The following CBL variants were observed in gnomAD, a reference collection of about 807,000 sequenced individuals.
CBL encodes the protein Cbl proto-oncogene, also known as E3 ubiquitin-protein ligase CBL.
In CBL, 45 loss-of-function variants were observed where a neutral mutation model predicts 96.9. That is an observed-to-expected ratio of 0.46 (90% CI 0.37 to 0.60). The LOEUF is 0.60. Among genes scored for constraint, CBL ranks in the 20% least tolerant of loss-of-function variants. The probability of loss-of-function intolerance (pLI) is 0.00; values close to 1 mark genes in which losing one functional copy is unlikely to be tolerated. For synonymous variants in CBL, 420 were observed against 426.8 expected, an observed-to-expected ratio of 0.98 and a Z score of 0.20; for missense variants, 1,024 against 1,143.5, an observed-to-expected ratio of 0.90 and a Z score of 1.51.
chr11:119,264,844 A>C (rs555787028), intron 2 of CBL, among the ~76,000 whole-genome samples: 6 of 152,070 alleles, frequency 3.9e-5, no homozygotes, highest in African/African-American at 1.4e-4. Flanking sequence ...CCATATACCA[A>C]TCTGCAATTA....
intron 15 of CBL, among the ~76,000 whole-genome samples, chr11:119,299,211 C>T (rs765950219): frequency 8.5e-5 from 13 of 152,180 alleles, no homozygotes; most frequent in Non-Finnish European, 1.3e-4. Flanking sequence ...ATTACATGTG[C>T]ACAAACATGT....
At position 119,298,455 on chromosome 11, in the gene CBL, C is replaced by A. The variant is rs552509693; in HGVS notation, c.2349C>A (p.Ala783=). The change falls in exon 15 of 16, where the codon GCC becomes GCA. Residue 783 remains alanine, a synonymous_variant. Transcript: ENST00000264033. ...ATGTCCCAAAGCCACCTGTGCCGGC[C>A]GTGCTGGCCCGCCGAACTCTCTCAG... The part of the protein sequence containing the change: ...GYDVPKPPVP[A]VLARRTLSDI... 3.1e-6 allele frequency: 5 copies of A among 1,614,138 alleles called. No homozygotes were observed. Among genetic ancestry groups the A allele is most frequent in the Admixed American group, 1.7e-5 (1 of 60,024 alleles).
Position 119,300,321 on chromosome 11 carries a change from A to C in CBL, c.*540A>C. On this transcript the variant is annotated 3_prime_UTR_variant, in exon 16 of 16. Transcript: ENST00000264033. ...GCCTAGTGTGTATTACAACTTCAAC[A>C]CTCCCCTTTGGCTTATATTACCATG... 2.5e-6 allele frequency: 1 copy of C among 405,934 alleles called. No homozygotes were observed. Among genetic ancestry groups the C allele is most frequent in the Non-Finnish European group, 4.3e-6 (1 of 230,896 alleles). The allele number at this position is 405,934 out of a possible 1,614,324, so 25.1% of individuals were successfully genotyped here. A position where few individuals can be genotyped will look rare whatever the true frequency, so the allele number is the denominator to read the frequency against.
chr11:119,228,931 C>T (rs1403039168), intron 1 of CBL, among the ~76,000 whole-genome samples: 1 of 152,020 alleles, frequency 6.6e-6, no homozygotes, highest in Non-Finnish European at 1.5e-5. Flanking sequence ...CTGCCTCAGC[C>T]TCCCAAGTAG....
At chr11:119,219,528 ATTGGGT>A (rs1565855933) in intron 1 of CBL, among the ~76,000 whole-genome samples, 1 of 151,986 alleles carries the variant, frequency 6.6e-6, no homozygotes, top group African/African-American at 2.4e-5. Flanking sequence ...GATTGGTGCA[ATTGGGT>A]TTGGTATTAT....
Position 119,303,177 on chromosome 11 carries a change from C to A in CBL, c.*3396C>A, listed in dbSNP as rs1261954289. The stretch of plus-strand genomic sequence containing the variant: ...TATATATTCCCTTTAAGATCTAGTT[C>A]TTTTTGTAGGTGTTCAGCAATGGTG... On this transcript the variant is annotated 3_prime_UTR_variant, in exon 16 of 16. Coordinates refer to ENST00000264033, the MANE Select transcript of CBL (RefSeq NM_005188.4). The A allele has an allele frequency of 2.2e-5, 5 of 231,308 alleles. No individual in the cohort carries two copies. The East Asian group carries it at 3.1e-4, about 14-fold the overall frequency. The allele number at this position is 231,308 out of a possible 1,614,324, so 14.3% of individuals were successfully genotyped here. A position where few individuals can be genotyped will look rare whatever the true frequency, so the allele number is the denominator to read the frequency against.
chr11:119,302,744 G>C lies in CBL; in HGVS notation c.*2963G>C. The C allele has an allele frequency of 4.3e-6, 1 of 231,026 alleles. No homozygotes were observed. Among genetic ancestry groups the C allele is most frequent in the Non-Finnish European group, 8.6e-6 (1 of 116,664 alleles). The allele number at this position is 231,026 out of a possible 1,614,324, so 14.3% of individuals were successfully genotyped here. A position where few individuals can be genotyped will look rare whatever the true frequency, so the allele number is the denominator to read the frequency against. On this transcript the variant is annotated 3_prime_UTR_variant, in exon 16 of 16. Coordinates refer to ENST00000264033, the MANE Select transcript of CBL (RefSeq NM_005188.4). ...GTTCTTAAAATGGAAAAACCTGTGG[G>C]CTCTTCATATACCTCCCTTTAGTTA...
At chr11:119,277,641 A>G (rs1368687892) in intron 6 of CBL, 116 bp from the exon 7 acceptor site, 4 of 724,414 alleles carry the variant, frequency 5.5e-6, no homozygotes, top group Non-Finnish European at 1.0e-5. Flanking sequence ...ATTGATCTTT[A>G]TACTTACACC....
At chr11:119,273,111 C>T (rs1474929658) in intron 3 of CBL, among the ~76,000 whole-genome samples, 3 of 151,962 alleles carry the variant, frequency 2.0e-5, no homozygotes, top group African/African-American at 4.8e-5. Flanking sequence ...TGGGACTACA[C>T]GTGTGTGCTG....
chr11:119,266,635 AAAAG>A (rs1392894330), intron 2 of CBL, among the ~76,000 whole-genome samples: 3 of 152,222 alleles, frequency 2.0e-5, no homozygotes, highest in Admixed American at 2.0e-4. Context: ...AATTAAAAAA[AAAAG>A]ATACTGCATA....
At position 119,306,696 on chromosome 11, in the gene CBL, C is replaced by CTG; in HGVS notation, c.*6917_*6918dup. The stretch of plus-strand genomic sequence containing the variant: ...TGTCTTCCATGGCCTGTTTCTCCTG[C>CTG]TGTCTGGGTGAGTGAGCCTGCAACG... On this transcript the variant is annotated 3_prime_UTR_variant, in exon 16 of 16. Coordinates refer to ENST00000264033, the MANE Select transcript of CBL (RefSeq NM_005188.4). The CTG allele has an allele frequency of 3.8e-6, 1 of 264,634 alleles. No individual in the cohort carries two copies. Among genetic ancestry groups the CTG allele is most frequent in the Non-Finnish European group, 7.2e-6 (1 of 139,344 alleles). The allele number at this position is 264,634 out of a possible 1,614,324, so 16.4% of individuals were successfully genotyped here.
chr11:119,215,257 A>G (rs146022765), intron 1 of CBL, among the ~76,000 whole-genome samples: 83 of 152,254 alleles, frequency 5.5e-4, no homozygotes, highest in African/African-American at 1.9e-3. Context: ...TATACATATA[A>G]TGAACCTGAT....
chr11:119,222,866 T>C (rs1005430759), intron 1 of CBL, among the ~76,000 whole-genome samples: 1 of 152,108 alleles, frequency 6.6e-6, no homozygotes, highest in Non-Finnish European at 1.5e-5. Flanking sequence ...CCAAAGAATA[T>C]TAATATCGAG....
intron 1 of CBL, among the ~76,000 whole-genome samples, chr11:119,229,654 A>G (rs1253861827): frequency 6.6e-6 from 1 of 152,170 alleles, no homozygotes; most frequent in Non-Finnish European, 1.5e-5. Flanking sequence ...AGAAAACAAG[A>G]GTTCAAGAAA....
At position 119,232,598 on chromosome 11, in the gene CBL, AG is replaced by A; in HGVS notation, c.349del (p.Val117CysfsTer6). 6.2e-7 allele frequency: 1 copy of A among 1,614,126 alleles called. No individual in the cohort carries two copies. The highest frequency in any genetic ancestry group is 8.5e-7 in the Non-Finnish European group (1 of 1,179,956). ...GACACTTGGAGAAAATGAGTATTTT[AG>A]GGTGTTTATGGAGAATTTGATGAAG... The part of the protein sequence containing the change: ...METLGENEYF[R>X]VFMENLMKKT... On this transcript the variant is annotated frameshift_variant, in exon 2 of 16. Coordinates refer to ENST00000264033, the MANE Select transcript of CBL (RefSeq NM_005188.4). LOFTEE classifies it high-confidence loss of function.
chr11:119,285,210 A>G lies in CBL; in HGVS notation c.1585A>G (p.Lys529Glu), dbSNP rs749858627. The change falls in exon 11 of 16, where the codon AAA (lysine) becomes GAA (glutamate). Residue 529 changes from lysine (K) to glutamate (E), a missense_variant. Lys to Glu is a moderately conservative substitution (Grantham distance 56). Coordinates refer to ENST00000264033, the MANE Select transcript of CBL (RefSeq NM_005188.4). ...ACAGGCTGCTTCTGGCTCCCTTCAT[A>G]AAGACAAACCATTGCCAGTACCTCC... The part of the protein sequence containing the change: ...ASKAASGSLH[K>E]DKPLPVPPTL... The G allele has an allele frequency of 1.2e-6, 2 of 1,614,098 alleles. No homozygotes were observed. Among genetic ancestry groups the G allele is most frequent in the South Asian group, 1.1e-5 (1 of 91,068 alleles).
chr11:119,251,778 G>GGCT (rs1319939064), intron 2 of CBL, among the ~76,000 whole-genome samples: 1 of 152,146 alleles, frequency 6.6e-6, no homozygotes, highest in East Asian at 1.9e-4. Flanking sequence ...TAGAGAAGTA[G>GGCT]GCTGTGAATG....
rs1161480868 is a variant in CBL at position 119,285,250 on chromosome 11, T to C, written c.1625T>C (p.Leu542Pro). The change falls in exon 11 of 16, where the codon CTT becomes CCT. Residue 542 changes from leucine (L) to proline (P), a missense_variant. Coordinates refer to ENST00000264033, the MANE Select transcript of CBL (RefSeq NM_005188.4). ...CCAGTACCTCCCACACTTCGAGATCTTCCACCACCACCGCCTCCAGACCGG... is the reference window on the plus strand; with the variant it reads ...CCAGTACCTCCCACACTTCGAGATCCTCCACCACCACCGCCTCCAGACCGG... ...PLPVPPTLRD[L>P]PPPPPPDRPY... is the part of the protein sequence containing the mutation. 6.2e-7 allele frequency: 1 copy of C among 1,614,082 alleles called. No individual in the cohort carries two copies. The highest frequency in any genetic ancestry group is 8.5e-7 in the Non-Finnish European group (1 of 1,179,992).
At chr11:119,210,191 CA>C (rs1226088970) in intron 1 of CBL, among the ~76,000 whole-genome samples, 1 of 152,116 alleles carries the variant, frequency 6.6e-6, no homozygotes, top group Non-Finnish European at 1.5e-5. Flanking sequence ...AATTCCAGAC[CA>C]GCCTGGGCAA....
Sources: gnomAD v4.1 joint callset for allele counts (sites outside exome capture counted in the v4.1 genomes callset) on GRCh38, gnomAD v4.1.1 for gene constraint, MANE v1.5 for transcripts, NCBI Gene and HGNC (gene_info 2026-07-23, HGNC 2026-07-21) for gene names.